The following HIPK2 variants were observed in gnomAD, a reference collection of about 807,000 sequenced individuals.
HIPK2 encodes the protein homeodomain-interacting protein kinase 2.
Under a neutral mutation model 113.7 loss-of-function variants are expected in HIPK2, and 27 were observed. That is an observed-to-expected ratio of 0.24 (90% CI 0.17 to 0.33). The LOEUF is 0.33. Ranked by LOEUF, HIPK2 falls within the 10% of genes least tolerant of loss-of-function variation. HIPK2 has a pLI of 1.00. For missense variants in HIPK2, 1,257 were observed against 1,588.0 expected (o/e 0.79, Z 3.54); for synonymous variants, 631 against 642.2 (o/e 0.98, Z 0.26).
chr7:139,633,095 C>CAAAAAAAAAAAAAAAAAAAAAAAAAA (rs942820284), intron 2 of HIPK2, among the ~76,000 whole-genome samples: 2 of 74,608 alleles, frequency 2.7e-5, no homozygotes, highest in African/African-American at 9.0e-5. Flanking sequence ...GACCCTGTCT[C>CAAAAAAAAAAAAAAAAAAAAAAAAAA]AAAAAAAAAA....
At chr7:139,678,315 A>G (rs932901533) in intron 2 of HIPK2, among the ~76,000 whole-genome samples, 3 of 152,106 alleles carry the variant, frequency 2.0e-5, no homozygotes, top group African/African-American at 7.2e-5. Context: ...CCTGAATGGT[A>G]TTGCCTAGGT....
At chr7:139,715,020 G>C (rs1202540473) in intron 2 of HIPK2, among the ~76,000 whole-genome samples, 1 of 152,190 alleles carries the variant, frequency 6.6e-6, no homozygotes, top group Non-Finnish European at 1.5e-5. Flanking sequence ...GGTTCACTCT[G>C]GCCTTTCCTG....
rs1799242298 is a variant in HIPK2, at chr7:139,596,995, A to T, written c.2439T>A (p.Asn813Lys). 11 of 1,588,468 alleles carry T rather than the reference A, an allele frequency of 6.9e-6. No individual in the cohort carries two copies. The highest frequency in any genetic ancestry group is 9.5e-6 in the Non-Finnish European group (11 of 1,160,004). ...KSKQHQSSVR[N>K]VSTCEVSSSQ... ...AGGAGGACACCTCACAGGTGGAGAC[A>T]TTTCTGTAATGAGAAAACCACACTC... Residue 813 changes from asparagine (N) to lysine (K), a missense_variant, in exon 12 of 15, where the codon AAT (asparagine) becomes AAA (lysine). Physicochemically the swap from Asn to Lys is moderately conservative, Grantham distance 94. This residue lies in a region of HIPK2 where 862 missense variants were observed against 1,004.3 expected (regional missense o/e 0.86). Transcript: ENST00000406875.
intron 13 of HIPK2, among the ~76,000 whole-genome samples, chr7:139,575,932 T>A (rs1241783412): frequency 6.6e-6 from 1 of 152,256 alleles, no homozygotes; most frequent in East Asian, 1.9e-4. Context: ...GCTGGCATCC[T>A]GTTCTTGGAC....
intron 2 of HIPK2, among the ~76,000 whole-genome samples, chr7:139,692,275 C>G (rs1166605878): frequency 1.3e-5 from 2 of 152,110 alleles, no homozygotes; most frequent in Admixed American, 6.5e-5. Context: ...GAACATAACC[C>G]AGAACCTGGA....
Position 139,567,888 on chromosome 7 carries a change from TCAGA to T in HIPK2, c.*5035_*5038del, listed in dbSNP as rs1318098187. On this transcript the variant is annotated 3_prime_UTR_variant, in exon 15 of 15. Coordinates refer to ENST00000406875, the MANE Select transcript of HIPK2 (RefSeq NM_022740.5). ...CCCACACCCCACCCTGCCCTCAGCA[TCAGA>T]CAAAGAGAACCTGGGACAAAAGCTG... 1 of 152,228 alleles carries T rather than the reference TCAGA, an allele frequency of 6.6e-6. No homozygotes were observed. Among genetic ancestry groups the T allele is most frequent in the Non-Finnish European group, 1.5e-5 (1 of 68,082 alleles). 9.4% of individuals were successfully genotyped at this position (152,228 alleles called of 1,614,324 possible).
chr7:139,635,311 A>AG (rs1431698108), intron 2 of HIPK2, among the ~76,000 whole-genome samples: 1 of 152,212 alleles, frequency 6.6e-6, no homozygotes, highest in East Asian at 1.9e-4. Flanking sequence ...GTCTGGCCCC[A>AG]GGGGACTTCT....
At chr7:139,582,430 C>T (rs749563429) in intron 13 of HIPK2, among the ~76,000 whole-genome samples, 6 of 152,262 alleles carry the variant, frequency 3.9e-5, no homozygotes, top group Admixed American at 6.5e-5. Flanking sequence ...ACCACGACCC[C>T]CTGCCCCCAG....
intron 2 of HIPK2, among the ~76,000 whole-genome samples, chr7:139,694,786 G>A (rs1794516981): frequency 6.6e-6 from 1 of 152,206 alleles, no homozygotes; most frequent in Non-Finnish European, 1.5e-5. Flanking sequence ...GAGTGAATGG[G>A]CAGGAGGACA....
At chr7:139,659,783 C>T (rs1372835712) in intron 2 of HIPK2, among the ~76,000 whole-genome samples, 2 of 151,976 alleles carry the variant, frequency 1.3e-5, no homozygotes, top group Admixed American at 6.6e-5. Flanking sequence ...TCCTGACACC[C>T]TATTAGAAAA....
At chr7:139,587,495 A>C (rs1798876100) in intron 12 of HIPK2, among the ~76,000 whole-genome samples, 1 of 150,756 alleles carries the variant, frequency 6.6e-6, no homozygotes, top group Admixed American at 6.6e-5. Context: ...TCTCAAAAAA[A>C]AAAAAAAAAA....
intron 12 of HIPK2, 159 bp from the exon 13 acceptor site, chr7:139,584,223 A>G (rs1380960035): frequency 2.1e-6 from 1 of 481,116 alleles, no homozygotes; most frequent in East Asian, 1.5e-4. Flanking sequence ...TGGGCATGCA[A>G]AAGTCCCCTG....
At chr7:139,639,946 C>T (rs1800951118) in intron 2 of HIPK2, among the ~76,000 whole-genome samples, 1 of 151,992 alleles carries the variant, frequency 6.6e-6, no homozygotes, top group African/African-American at 2.4e-5. Flanking sequence ...AGGGGCTGTT[C>T]CTGTTCTCGG....
chr7:139,717,081 C>T, intron 1 of HIPK2, 66 bp from the exon 2 acceptor site: 1 of 1,528,206 alleles, frequency 6.5e-7, no homozygotes, highest in Non-Finnish European at 8.8e-7. Context: ...CTCAACAGAT[C>T]CCCTTCAGTT....
chr7:139,638,750 C>T (rs1047418571), intron 2 of HIPK2, among the ~76,000 whole-genome samples: 10 of 151,348 alleles, frequency 6.6e-5, no homozygotes, highest in East Asian at 1.9e-4. Flanking sequence ...CTCCACCTCC[C>T]GGGTTCACGC....
chr7:139,611,724 T>C (rs903868013), intron 9 of HIPK2, among the ~76,000 whole-genome samples: 2 of 151,858 alleles, frequency 1.3e-5, no homozygotes, highest in Non-Finnish European at 2.9e-5. Flanking sequence ...AATTTTTTTT[T>C]GTAGAGATGG....
intron 14 of HIPK2, among the ~76,000 whole-genome samples, chr7:139,573,604 G>A (rs1260225186): frequency 6.6e-6 from 1 of 152,174 alleles, no homozygotes. Context: ...CACTTTGGGA[G>A]GCAGAGGTGG....
At chr7:139,658,339 A>G (rs1801745650) in intron 2 of HIPK2, among the ~76,000 whole-genome samples, 1 of 152,094 alleles carries the variant, frequency 6.6e-6, no homozygotes, top group Admixed American at 6.5e-5. Context: ...GGGAAAAGGC[A>G]AACAGAGTGT....
At chr7:139,701,894 C>T (rs1283394441) in intron 2 of HIPK2, among the ~76,000 whole-genome samples, 4 of 152,086 alleles carry the variant, frequency 2.6e-5, no homozygotes, top group African/African-American at 7.2e-5. Context: ...CTGGAACGGA[C>T]GGTGAGCAGG....
Sources: gnomAD v4.1 joint callset for allele counts (sites outside exome capture counted in the v4.1 genomes callset) on GRCh38, gnomAD v4.1.1 for gene constraint, gnomAD v4.1.1 regional missense constraint, MANE v1.5 for transcripts, NCBI Gene and HGNC (gene_info 2026-07-23, HGNC 2026-07-21) for gene names.